Variants in GPR107 observed in about 807,000 individuals in gnomAD.
GPR107 encodes G protein-coupled receptor 107.
In GPR107, 31 loss-of-function variants were observed where a neutral mutation model predicts 75.5. That is an observed-to-expected ratio of 0.41 (90% confidence interval 0.31 to 0.55). The LOEUF (loss-of-function observed/expected upper bound fraction) is 0.55, where lower values mean the gene tolerates loss of function less well. Among genes scored for constraint, GPR107 ranks in the 20% least tolerant of loss-of-function variants. GPR107 has a pLI of 0.26. For missense variants in GPR107, 572 were observed against 665.7 expected, an observed-to-expected ratio of 0.86 and a Z score of 1.55; for synonymous variants, 267 against 251.3, an observed-to-expected ratio of 1.06 and a Z score of -0.59.
chr9:130,125,597 C>CTTTTTTT (rs71387321), intron 15 of GPR107, among the ~76,000 whole-genome samples: 1 of 103,136 alleles, frequency 9.7e-6, no homozygotes, highest in African/African-American at 3.8e-5. Context: ...ATCTGAGTTC[C>CTTTTTTT]TTTTTTTTTT....
intron 1 of GPR107, among the ~76,000 whole-genome samples, chr9:130,070,163 A>AT (rs559425211): frequency 0.014 from 1,734 of 124,992 alleles, 42 homozygotes; most frequent in African/African-American, 0.029. Flanking sequence ...CACCCGGCTA[A>AT]TTTTTTTTTT....
chr9:130,067,540 T>C (rs542765873), intron 1 of GPR107, among the ~76,000 whole-genome samples: 20 of 152,150 alleles, frequency 1.3e-4, no homozygotes, highest in Non-Finnish European at 2.8e-4. Flanking sequence ...ACAGCCCGTT[T>C]GCCAGCAGCT....
intron 7 of GPR107, among the ~76,000 whole-genome samples, chr9:130,087,235 G>A (rs976512658): frequency 6.6e-6 from 1 of 151,690 alleles, no homozygotes; most frequent in Non-Finnish European, 1.5e-5. Context: ...ATGAGGTCTT[G>A]CTCTGTTGCC....
At chr9:130,071,605 A>T (rs1830213930) in intron 1 of GPR107, among the ~76,000 whole-genome samples, 1 of 151,918 alleles carries the variant, frequency 6.6e-6, no homozygotes, top group Non-Finnish European at 1.5e-5. Context: ...TTGGCACATA[A>T]CCTAGTTCTT....
At chr9:130,086,164 G>A (rs950217632) in intron 6 of GPR107, among the ~76,000 whole-genome samples, 8 of 152,116 alleles carry the variant, frequency 5.3e-5, no homozygotes, top group African/African-American at 1.9e-4. Flanking sequence ...CTGTCTAGCC[G>A]AAAGATTCAA....
intron 6 of GPR107, 126 bp downstream of exon 6, chr9:130,083,728 A>C: frequency 2.0e-6 from 1 of 495,254 alleles, no homozygotes; most frequent in Non-Finnish European, 3.5e-6. Flanking sequence ...ATACATATAC[A>C]GTCGTCCCTT....
At position 130,103,619 on chromosome 9, in the gene GPR107, C is replaced by T. The variant is rs1831090811; in HGVS notation, c.1132-801C>T. Among the ~76,000 whole-genome samples, 1 of 152,168 alleles carries T rather than the reference C, an allele frequency of 6.6e-6. No individual in the cohort carries two copies. Among genetic ancestry groups the T allele is most frequent in the Non-Finnish European group, 1.5e-5 (1 of 68,032 alleles). On this transcript the variant is annotated intron_variant, in intron 12 of 17. Transcript: ENST00000347136. The surrounding 1 kb of genome is among the most constrained non-coding windows in gnomAD (Gnocchi z 4.3). ...GTAGGGCTGGAATCAGCCATGCTCACCCTCTGGTCTCTGAAAACACAGTTC... is the reference window on the plus strand; with the variant it reads ...GTAGGGCTGGAATCAGCCATGCTCATCCTCTGGTCTCTGAAAACACAGTTC...
chr9:130,119,400 A>G (rs1831498783), intron 14 of GPR107, among the ~76,000 whole-genome samples: 5 of 152,096 alleles, frequency 3.3e-5, no homozygotes, highest in Admixed American at 3.3e-4. Flanking sequence ...TGACACTAAC[A>G]CTGTCATGGC....
intron 2 of GPR107, 35 bp downstream of exon 2, chr9:130,075,784 C>CG (rs1830332396): frequency 1.6e-6 from 1 of 625,522 alleles, no homozygotes; most frequent in Non-Finnish European, 2.6e-6. Flanking sequence ...GGGGTTTACT[C>CG]TTTTTTTTTT....
chr9:130,055,522 C>T (rs1237972680), intron 1 of GPR107, among the ~76,000 whole-genome samples: 2 of 54,426 alleles, frequency 3.7e-5, no homozygotes, highest in East Asian at 4.5e-4. Flanking sequence ...CGCGAGACTC[C>T]GTCTCAAAAA....
chr9:130,128,760 G>C lies in GPR107; in HGVS notation c.1561G>C (p.Val521Leu). The change falls in exon 17 of 18, where the codon GTT becomes CTT. Residue 521 changes from valine (V) to leucine (L), a missense_variant and splice_region_variant. By Grantham distance (32) the Val-to-Leu change is conservative. Transcript: ENST00000347136. ...AGAAGAAGACTTGGAAATGGAGTCC[G>C]TGTAAGAAATCTTTCTTCCCTCTTC... is the stretch of plus-strand genomic sequence containing the variant. ...QEEEDLEMES[V>L]VTTSGVMESM... The C allele has an allele frequency of 6.2e-7, 1 of 1,613,516 alleles. No individual in the cohort carries two copies. Among genetic ancestry groups the C allele is most frequent in the Non-Finnish European group, 8.5e-7 (1 of 1,179,426 alleles).
At position 130,053,949 on chromosome 9, in the gene GPR107, C is replaced by T. The variant is rs997892158; in HGVS notation, c.17C>T (p.Pro6Leu). 8 of 1,556,268 alleles carry T rather than the reference C, an allele frequency of 5.1e-6. No individual in the cohort carries two copies. Among genetic ancestry groups the T allele is most frequent in the Non-Finnish European group, 6.9e-6 (8 of 1,151,732 alleles). MAALA[P>L]VGSPASRGPR... ...GGAACAAACATGGCCGCTCTGGCGCCCGTCGGCTCCCCCGCCTCCCGCGGT... is the reference window on the plus strand; with the variant it reads ...GGAACAAACATGGCCGCTCTGGCGCTCGTCGGCTCCCCCGCCTCCCGCGGT... The change falls in exon 1 of 18, where the codon CCC becomes CTC. Residue 6 changes from proline (P) to leucine (L), a missense_variant. By Grantham distance (98) the Pro-to-Leu change is moderately conservative. Transcript: ENST00000347136.
At chr9:130,106,327 G>A (rs1030076440) in intron 13 of GPR107, among the ~76,000 whole-genome samples, 4 of 152,012 alleles carry the variant, frequency 2.6e-5, no homozygotes, top group Admixed American at 1.3e-4. Flanking sequence ...GGCTGGGCGC[G>A]GTGGTTCACG....
chr9:130,106,490 G>C (rs570541686), intron 13 of GPR107, among the ~76,000 whole-genome samples: 2 of 151,740 alleles, frequency 1.3e-5, no homozygotes, highest in South Asian at 4.2e-4. Flanking sequence ...CCAGCTACTC[G>C]GGAGGCTGAG....
chr9:130,101,038 A>T, intron 11 of GPR107, 68 bp from the exon 12 acceptor site: 2 of 898,776 alleles, frequency 2.2e-6, no homozygotes, highest in South Asian at 2.7e-5. Context: ...AGAATGAGCT[A>T]TGCAATCTAA....
chr9:130,127,271 G>T (rs1831711656), intron 15 of GPR107, among the ~76,000 whole-genome samples: 1 of 152,182 alleles, frequency 6.6e-6, no homozygotes, highest in South Asian at 2.1e-4. Context: ...GCAATATCTT[G>T]GTCACCTGGA....
At chr9:130,116,351 T>G (rs1285630840) in intron 14 of GPR107, among the ~76,000 whole-genome samples, 2 of 152,250 alleles carry the variant, frequency 1.3e-5, no homozygotes, top group Non-Finnish European at 2.9e-5. Flanking sequence ...GAACCAACTC[T>G]TCTCAACTGA....
chr9:130,081,965 C>G (rs1302815269), intron 5 of GPR107, among the ~76,000 whole-genome samples: 2 of 152,172 alleles, frequency 1.3e-5, no homozygotes, highest in African/African-American at 4.8e-5. Flanking sequence ...GCGCCGGAAT[C>G]TACTCCTGGT....
chr9:130,134,700 C>T (rs10988600), intron 17 of GPR107, among the ~76,000 whole-genome samples: 102,237 of 152,170 alleles, frequency 0.67, 34,931 homozygotes, highest in Non-Finnish European at 0.74. Context: ...CATATCTGTG[C>T]GCCACAAAAA....
Sources: gnomAD v4.1 joint callset for allele counts (sites outside exome capture counted in the v4.1 genomes callset) on GRCh38, gnomAD v4.1.1 for gene constraint, Gnocchi (gnomAD v3.1) non-coding constraint, MANE v1.5 for transcripts, NCBI Gene and HGNC (gene_info 2026-07-23, HGNC 2026-07-21) for gene names.